The following OSBP2 variants were observed in gnomAD, a reference collection of about 807,000 sequenced individuals.
OSBP2 encodes oxysterol binding protein 2, also known as oxysterol-binding protein 2.
Under a neutral mutation model 96.0 loss-of-function variants are expected in OSBP2, and 66 were observed. The ratio of observed to expected loss-of-function variants is 0.69; its 90% CI spans 0.56 to 0.84. OSBP2 has a LOEUF of 0.84. Among genes scored for constraint, OSBP2 ranks in the 40% least tolerant of loss-of-function variants. The pLI is 0.00. For missense variants in OSBP2, 1,038 were observed against 1,222.7 expected (o/e 0.85, Z 2.25); for synonymous variants, 525 against 520.9 (o/e 1.01, Z -0.11).
Position 30,906,484 on chromosome 22 carries a change from C to A in OSBP2, c.*145C>A. ...TTCCTATTTTTTTTTTCTCCCCACA[C>A]TTTCTTGGGACTCCCACCTTGGAAG... On this transcript the variant is annotated 3_prime_UTR_variant, in exon 14 of 14. Transcript: ENST00000332585. 9.9e-7 allele frequency: 1 copy of A among 1,012,184 alleles called. No homozygotes were observed. The allele number at this position is 1,012,184 out of a possible 1,614,324, so 62.7% of individuals were successfully genotyped here.
chr22:30,834,350 T>C (rs1387726745), intron 2 of OSBP2, among the ~76,000 whole-genome samples: 1 of 152,252 alleles, frequency 6.6e-6, no homozygotes, highest in African/African-American at 2.4e-5. Context: ...TTTTCTTCAC[T>C]CTTGGTTATA....
intron 2 of OSBP2, among the ~76,000 whole-genome samples, chr22:30,811,998 G>A (rs1602299781): frequency 6.6e-6 from 1 of 151,548 alleles, no homozygotes; most frequent in African/African-American, 2.4e-5. Context: ...TAGAACTACA[G>A]GTACACGCAA....
intron 2 of OSBP2, among the ~76,000 whole-genome samples, chr22:30,798,152 G>T (rs1339407511): frequency 1.3e-5 from 2 of 152,098 alleles, no homozygotes; most frequent in Non-Finnish European, 2.9e-5. Context: ...GTATCTCATT[G>T]TGCTTTTGAT....
chr22:30,876,450 C>T (rs988188642), intron 3 of OSBP2, among the ~76,000 whole-genome samples: 2 of 152,244 alleles, frequency 1.3e-5, no homozygotes, highest in Non-Finnish European at 2.9e-5. Flanking sequence ...CTTGCCGTCC[C>T]CCTCAGGGAA....
intron 1 of OSBP2, among the ~76,000 whole-genome samples, chr22:30,725,534 AAAAACAAAAAC>A (rs1367281601): frequency 1.4e-5 from 2 of 138,896 alleles, no homozygotes; most frequent in Non-Finnish European, 3.2e-5. Flanking sequence ...AAACAAAAAC[AAAAACAAAAAC>A]AAAAAAAAAA....
chr22:30,698,067 A>G (rs2089082623), intron 1 of OSBP2, among the ~76,000 whole-genome samples: 1 of 152,164 alleles, frequency 6.6e-6, no homozygotes, highest in Non-Finnish European at 1.5e-5. Flanking sequence ...AGAACAGGCC[A>G]TCTTGCCAGC....
At chr22:30,731,777 CTG>C in intron 1 of OSBP2, 1 of 154,020 alleles carries the variant, frequency 6.5e-6, no homozygotes, top group South Asian at 2.0e-4. Context: ...TGCTGGCCCA[CTG>C]GGGTTACCAG....
intron 2 of OSBP2, among the ~76,000 whole-genome samples, chr22:30,756,618 G>A (rs533314137): frequency 6.6e-6 from 1 of 152,164 alleles, no homozygotes; most frequent in Admixed American, 6.5e-5. Flanking sequence ...GTTCGAACCC[G>A]GGAGGTGGAG....
At chr22:30,861,698 T>C (rs2039214458) in intron 2 of OSBP2, among the ~76,000 whole-genome samples, 2 of 152,324 alleles carry the variant, frequency 1.3e-5, no homozygotes, top group South Asian at 4.1e-4. Context: ...TTATTTTTAA[T>C]GATCCCTTTT....
At chr22:30,714,919 T>C (rs1236982277) in intron 1 of OSBP2, among the ~76,000 whole-genome samples, 1 of 152,216 alleles carries the variant, frequency 6.6e-6, no homozygotes, top group African/African-American at 2.4e-5. Context: ...CCCAGCCTTC[T>C]GTTGTTTCTT....
chr22:30,876,184 T>G (rs1032644668), intron 3 of OSBP2, among the ~76,000 whole-genome samples: 1 of 152,246 alleles, frequency 6.6e-6, no homozygotes, highest in Non-Finnish European at 1.5e-5. Context: ...AAGGAAAATA[T>G]TACTATTTTC....
Position 30,890,778 on chromosome 22 carries a change from G to A in OSBP2, c.1674G>A (p.Leu558=). ...LSMLQRLTED[L]EYHHLLDKAV... ...TGCTCCAGCGGCTGACAGAGGACCTGGAGTACCACCACCTGCTGGACAAGG... is the reference window on the plus strand; with the variant it reads ...TGCTCCAGCGGCTGACAGAGGACCTAGAGTACCACCACCTGCTGGACAAGG... Residue 558 remains leucine (L), a synonymous_variant, in exon 8 of 14, where the codon CTG becomes CTA. Coordinates refer to ENST00000332585, the MANE Select transcript of OSBP2 (RefSeq NM_030758.4). The surrounding 1 kb of genome is among the most constrained non-coding windows in gnomAD (Gnocchi z 4.4). 1 of 1,613,450 alleles carries A rather than the reference G, an allele frequency of 6.2e-7. No homozygotes were observed. The highest frequency in any genetic ancestry group is 1.3e-5 in the African/African-American group (1 of 75,052).
intron 12 of OSBP2, chr22:30,902,146 A>AT: frequency 5.1e-6 from 2 of 390,886 alleles, no homozygotes; most frequent in Non-Finnish European, 8.5e-6. Flanking sequence ...AAACCAAAAA[A>AT]AAAAAACAGA....
intron 1 of OSBP2, among the ~76,000 whole-genome samples, chr22:30,699,116 T>C (rs1393540747): frequency 6.6e-6 from 1 of 152,000 alleles, no homozygotes; most frequent in Non-Finnish European, 1.5e-5. Flanking sequence ...TAATTTTTTG[T>C]GTGTTTTTAG....
intron 1 of OSBP2, among the ~76,000 whole-genome samples, chr22:30,729,531 G>A (rs1051597590): frequency 1.3e-5 from 2 of 152,020 alleles, no homozygotes. Context: ...CCAGTTACTT[G>A]GGAGGCTGAG....
At chr22:30,784,262 T>G (rs1167506123) in intron 2 of OSBP2, among the ~76,000 whole-genome samples, 1 of 151,928 alleles carries the variant, frequency 6.6e-6, no homozygotes, top group Non-Finnish European at 1.5e-5. Context: ...ATTTATTAAT[T>G]TATTTATTAT....
At chr22:30,735,227 T>A (rs990749659) in intron 1 of OSBP2, among the ~76,000 whole-genome samples, 2 of 152,058 alleles carry the variant, frequency 1.3e-5, no homozygotes, top group African/African-American at 4.8e-5. Context: ...AAAGTAACAC[T>A]AACTAGAATG....
intron 2 of OSBP2, among the ~76,000 whole-genome samples, chr22:30,826,262 T>G (rs2038403894): frequency 6.6e-6 from 1 of 152,096 alleles, no homozygotes; most frequent in African/African-American, 2.4e-5. Context: ...TCTGCTGAGG[T>G]TCCTGGGAGG....
Position 30,741,165 on chromosome 22 carries a change from CA to C in OSBP2, c.650del (p.Gln217ArgfsTer29). On this transcript the variant is annotated frameshift_variant, in exon 2 of 14. Transcript: ENST00000332585. LOFTEE classifies it high-confidence loss of function. ...GNGLLSYYRN[Q>X]GEMAHTCRGT... ...TCCTTCTCTTACATCCTACAGAAAT[CA>C]GGGTGAAATGGCCCACACGTGCCGT... The C allele has an allele frequency of 1.2e-6, 2 of 1,613,174 alleles. No homozygotes were observed. The highest frequency in any genetic ancestry group is 1.7e-6 in the Non-Finnish European group (2 of 1,179,184).
Sources: gnomAD v4.1 joint callset for allele counts (sites outside exome capture counted in the v4.1 genomes callset) on GRCh38, gnomAD v4.1.1 for gene constraint, Gnocchi (gnomAD v3.1) non-coding constraint, MANE v1.5 for transcripts, NCBI Gene and HGNC (gene_info 2026-07-23, HGNC 2026-07-21) for gene names.